The following PIEZO2 variants were observed in gnomAD, a reference collection of about 807,000 sequenced individuals.
The protein encoded by PIEZO2 is piezo-type mechanosensitive ion channel component 2.
A neutral mutation model predicts 337.3 loss-of-function variants in PIEZO2; 172 were observed. The observed-to-expected ratio is 0.51, with a 90% CI of 0.45 to 0.58. The LOEUF (loss-of-function observed/expected upper bound fraction) is 0.58. Among genes scored for constraint, PIEZO2 ranks in the 20% least tolerant of loss-of-function variants. The pLI, the probability that PIEZO2 is intolerant of heterozygous loss-of-function variation, is 0.00. For synonymous variants in PIEZO2, 1,251 were observed against 1,228.5 expected, an observed-to-expected ratio of 1.02 and a Z score of -0.38; for missense variants, 3,028 against 3,391.3, an observed-to-expected ratio of 0.89 and a Z score of 2.66.
chr18:10,671,423 C>G lies in PIEZO2; in HGVS notation c.*104G>C. 7.8e-7 allele frequency: 1 copy of G among 1,280,320 alleles called. No homozygotes were observed. Among genetic ancestry groups the G allele is most frequent in the South Asian group, 1.6e-5 (1 of 62,610 alleles). The allele number at this position is 1,280,320 out of a possible 1,614,324, so 79.3% of individuals were successfully genotyped here. A position where few individuals can be genotyped will look rare whatever the true frequency, so the allele number is the denominator to read the frequency against. On this transcript the variant is annotated 3_prime_UTR_variant, in exon 56 of 56. Coordinates refer to ENST00000674853, the MANE Select transcript of PIEZO2 (RefSeq NM_001378183.1). ...TTTTGTCTACCTATCAGAAGAGAAA[C>G]AAACCATTTCCGTCGAACTAGAAAT...
chr18:10,815,385 G>A lies in PIEZO2; in HGVS notation c.918-8111C>T, dbSNP rs970738383. On this transcript the variant is annotated intron_variant, in intron 7 of 55. Transcript: ENST00000674853. The surrounding 1 kb of genome is among the most constrained non-coding windows in gnomAD (Gnocchi z 4.1). ...TGAGTAGGACATTTAACCACTTTAA[G>A]CCTCAATTTCCTCATTTGGAAAATG... is the stretch of plus-strand genomic sequence containing the variant. Among the ~76,000 whole-genome samples, 1 of 152,140 alleles carries A rather than the reference G, an allele frequency of 6.6e-6. No homozygotes were observed. Among genetic ancestry groups the A allele is most frequent in the African/African-American group, 2.4e-5 (1 of 41,428 alleles).
chr18:11,015,846 CTT>C (rs1464587032), intron 2 of PIEZO2, among the ~76,000 whole-genome samples: 3 of 152,216 alleles, frequency 2.0e-5, no homozygotes, highest in African/African-American at 7.2e-5. Context: ...AAGGCTGACA[CTT>C]TAAATCAAAA....
In PIEZO2 at chr18:10,891,880, CATAAA is replaced by C. The variant is rs147137397; in HGVS notation, c.329+19301_329+19305del. On this transcript the variant is annotated intron_variant, in intron 4 of 55. Coordinates refer to ENST00000674853, the MANE Select transcript of PIEZO2 (RefSeq NM_001378183.1). Reference sequence around the variant, plus strand: ...AATGAAAATATAAATTTGTAAAGCACATAAAATAGAGTGGTAGACATACTACAAAT... The same window carrying C: ...AATGAAAATATAAATTTGTAAAGCACATAGAGTGGTAGACATACTACAAAT... Among the ~76,000 whole-genome samples, 1,286 of 152,238 alleles carry C rather than the reference CATAAA, an allele frequency of 8.4e-3. 22 individuals carry two copies. Among genetic ancestry groups the C allele is most frequent in the African/African-American group, 0.03 (1,237 of 41,532 alleles).
At chr18:10,931,741 AGG>A (rs1310538642) in intron 3 of PIEZO2, among the ~76,000 whole-genome samples, 5 of 145,394 alleles carry the variant, frequency 3.4e-5, no homozygotes, top group African/African-American at 2.6e-5. Flanking sequence ...AGAGAGAGAG[AGG>A]GAAAGCTCAC....
chr18:10,882,834 C>T (rs373436120), intron 4 of PIEZO2, among the ~76,000 whole-genome samples: 56 of 109,992 alleles, frequency 5.1e-4, no homozygotes, highest in Non-Finnish European at 6.4e-4. Context: ...ACCACATTTT[C>T]TTTTTTTCTT....
Position 11,083,380 on chromosome 18 carries a change from T to A in PIEZO2, c.65-17158A>T, listed in dbSNP as rs1420819855. On this transcript the variant is annotated intron_variant, in intron 1 of 55. Transcript: ENST00000674853. This position sits in a 1 kb window ranked among gnomAD's most constrained non-coding sequence, Gnocchi z 4.4. ...AAGAGGAACTATATTTGTTTGGATG[T>A]TTTCCTTGGTAAATTCTTGGCGTAG... Among the ~76,000 whole-genome samples, 1 of 152,222 alleles carries A rather than the reference T, an allele frequency of 6.6e-6. No homozygotes were observed. The highest frequency in any genetic ancestry group is 1.5e-5 in the Non-Finnish European group (1 of 68,032).
chr18:10,956,499 T>A (rs1360600458), intron 3 of PIEZO2, among the ~76,000 whole-genome samples: 1 of 152,290 alleles, frequency 6.6e-6, no homozygotes, highest in Non-Finnish European at 1.5e-5. Flanking sequence ...AAAATTCCAA[T>A]GTCATTCTTC....
chr18:10,834,567 T>C lies in PIEZO2; in HGVS notation c.917+20786A>G, dbSNP rs1328816290. On this transcript the variant is annotated intron_variant, in intron 7 of 55. Transcript: ENST00000674853. This position sits in a 1 kb window ranked among gnomAD's most constrained non-coding sequence, Gnocchi z 4.5. Reference sequence around the variant, plus strand: ...CAACAGAATGTGATTGAATCCCTGCTGGGTGTCAGGCACTTGACACCCACA... The same window carrying C: ...CAACAGAATGTGATTGAATCCCTGCCGGGTGTCAGGCACTTGACACCCACA... Among the ~76,000 whole-genome samples the C allele has an allele frequency of 6.6e-6, 1 of 152,206 alleles. No individual in the cohort carries two copies. The highest frequency in any genetic ancestry group is 2.4e-5 in the African/African-American group (1 of 41,454).
chr18:10,944,688 G>C lies in PIEZO2; in HGVS notation c.287-33460C>G, dbSNP rs148864368. Among the ~76,000 whole-genome samples the C allele has an allele frequency of 5.1e-3, 768 of 151,804 alleles. 11 individuals are homozygous for C. Among genetic ancestry groups the C allele is most frequent in the African/African-American group, 0.017 (725 of 41,440 alleles). On this transcript the variant is annotated intron_variant, in intron 3 of 55. Transcript: ENST00000674853. ...AGTGTGAACACAACATTAGAGGCAA[G>C]AGTGAGTAAAATAATATCTTGAAAT...
At position 10,862,242 on chromosome 18, in the gene PIEZO2, A is replaced by G. The variant is rs1160322970; in HGVS notation, c.493-5031T>C. Among the ~76,000 whole-genome samples, 1 of 152,162 alleles carries G rather than the reference A, an allele frequency of 6.6e-6. No homozygotes were observed. Among genetic ancestry groups the G allele is most frequent in the Non-Finnish European group, 1.5e-5 (1 of 68,032 alleles). Reference sequence around the variant, plus strand: ...CAGTTAAAAATAAAATAAAAATAATAGAATACTGGAAAACATAGATAAAAG... The same window carrying G: ...CAGTTAAAAATAAAATAAAAATAATGGAATACTGGAAAACATAGATAAAAG... On this transcript the variant is annotated intron_variant, in intron 5 of 55. Coordinates refer to ENST00000674853, the MANE Select transcript of PIEZO2 (RefSeq NM_001378183.1). This position sits in a 1 kb window ranked among gnomAD's most constrained non-coding sequence, Gnocchi z 4.4.
rs946095377 is a variant in PIEZO2 at position 11,143,841 on chromosome 18, G to T, written c.64+4684C>A. On this transcript the variant is annotated intron_variant, in intron 1 of 55. Transcript: ENST00000674853. The surrounding 1 kb of genome is among the most constrained non-coding windows in gnomAD (Gnocchi z 4.9). Reference sequence around the variant, plus strand: ...CTGCTCTCTGCTCATCTTCATAAAGGTAAGGCAGCGCCTGCTGTGTGTCAG... The same window carrying T: ...CTGCTCTCTGCTCATCTTCATAAAGTTAAGGCAGCGCCTGCTGTGTGTCAG... 1.3e-5 allele frequency among the ~76,000 whole-genome samples: 2 copies of T among 152,232 alleles called. No individual in the cohort carries two copies. Among genetic ancestry groups the T allele is most frequent in the African/African-American group, 4.8e-5 (2 of 41,448 alleles).
intron 7 of PIEZO2, among the ~76,000 whole-genome samples, chr18:10,832,924 T>G (rs1474663688): frequency 6.6e-6 from 1 of 152,066 alleles, no homozygotes; most frequent in East Asian, 1.9e-4. Flanking sequence ...GGCAGGTCCC[T>G]AGGCTGGAGG....
intron 3 of PIEZO2, among the ~76,000 whole-genome samples, chr18:10,918,254 G>T (rs1318198426): frequency 3.9e-5 from 6 of 152,042 alleles, no homozygotes; most frequent in Admixed American, 2.0e-4. Context: ...AATTGTAAAA[G>T]AGATAAGACA....
chr18:10,916,381 C>A (rs1402232361), intron 3 of PIEZO2, among the ~76,000 whole-genome samples: 1 of 152,162 alleles, frequency 6.6e-6, no homozygotes, highest in South Asian at 2.1e-4. Flanking sequence ...TGCAGCCAAC[C>A]GCGGTAGGGC....
At chr18:10,791,482 A>T in intron 13 of PIEZO2, 158 bp from the exon 14 acceptor site, 1 of 746,050 alleles carries the variant, frequency 1.3e-6, no homozygotes, top group Non-Finnish European at 1.9e-6. Flanking sequence ...TTCAGCTGAG[A>T]TTCACTGCTT....
rs1249853738 is a variant in PIEZO2 at position 10,979,984 on chromosome 18, A to T, written c.161-324T>A. Among the ~76,000 whole-genome samples the T allele has an allele frequency of 6.6e-6, 1 of 152,226 alleles. No individual in the cohort carries two copies. Among genetic ancestry groups the T allele is most frequent in the Non-Finnish European group, 1.5e-5 (1 of 68,038 alleles). On this transcript the variant is annotated intron_variant, in intron 2 of 55. Coordinates refer to ENST00000674853, the MANE Select transcript of PIEZO2 (RefSeq NM_001378183.1). The surrounding 1 kb of genome is among the most constrained non-coding windows in gnomAD (Gnocchi z 4.0). ...AGGAAGTGCTGCCAACTTTGAAGGGACAGATAACTCCTGTCTTAGAAAAAT... is the reference window on the plus strand; with the variant it reads ...AGGAAGTGCTGCCAACTTTGAAGGGTCAGATAACTCCTGTCTTAGAAAAAT...
chr18:10,833,397 G>T lies in PIEZO2; in HGVS notation c.917+21956C>A, dbSNP rs1221919820. Among the ~76,000 whole-genome samples, 5 of 152,148 alleles carry T rather than the reference G, an allele frequency of 3.3e-5. No homozygotes were observed. The highest frequency in any genetic ancestry group is 7.4e-5 in the Non-Finnish European group (5 of 68,012). On this transcript the variant is annotated intron_variant, in intron 7 of 55. Coordinates refer to ENST00000674853, the MANE Select transcript of PIEZO2 (RefSeq NM_001378183.1). The surrounding 1 kb of genome is among the most constrained non-coding windows in gnomAD (Gnocchi z 4.7). ...CCCTCTCCTGTTGGAATCATGTGGGGATCTTCTAAAGCACTAACACTGGGC... is the reference window on the plus strand; with the variant it reads ...CCCTCTCCTGTTGGAATCATGTGGGTATCTTCTAAAGCACTAACACTGGGC...
intron 42 of PIEZO2, among the ~76,000 whole-genome samples, chr18:10,703,394 A>G (rs576940027): frequency 6.6e-6 from 1 of 152,292 alleles, no homozygotes; most frequent in Admixed American, 6.5e-5. Context: ...CACATCCTTT[A>G]TTTTCCTTAT....
rs147612634 is a variant in PIEZO2 at position 10,833,298 on chromosome 18, T to G, written c.917+22055A>C. 9.3e-3 allele frequency among the ~76,000 whole-genome samples: 1,409 copies of G among 152,246 alleles called. 29 individuals carry two copies. Among genetic ancestry groups the G allele is most frequent in the African/African-American group, 0.032 (1,329 of 41,546 alleles). On this transcript the variant is annotated intron_variant, in intron 7 of 55. Coordinates refer to ENST00000674853, the MANE Select transcript of PIEZO2 (RefSeq NM_001378183.1). The surrounding 1 kb of genome is among the most constrained non-coding windows in gnomAD (Gnocchi z 4.7). ...GAGATGAAACACAGTTCTGACGCAC[T>G]GGGATTCACTTATTTTTCCTGTGTT... is the stretch of plus-strand genomic sequence containing the variant.
Sources: allele counts gnomAD v4.1 joint callset (sites outside exome capture counted in the v4.1 genomes callset), GRCh38; gene constraint gnomAD v4.1.1; non-coding constraint Gnocchi (gnomAD v3.1); transcripts MANE v1.5; gene names NCBI Gene and HGNC (gene_info 2026-07-23, HGNC 2026-07-21).